Variants in ITGB3BP observed in about 807,000 individuals in gnomAD.
The protein encoded by ITGB3BP is centromere protein R.
In ITGB3BP, 27 loss-of-function variants were observed where a neutral mutation model predicts 29.1. The ratio of observed to expected loss-of-function variants is 0.93; its 90% CI spans 0.68 to 1.28. ITGB3BP has a LOEUF of 1.28. Ranked by LOEUF, ITGB3BP falls within the 50% of genes most tolerant of loss-of-function variation. The pLI, the probability that ITGB3BP is intolerant of heterozygous loss-of-function variation, is 0.00. For missense variants in ITGB3BP, 192 were observed against 200.2 expected (o/e 0.96, Z 0.25); for synonymous variants, 61 against 61.4 (o/e 0.99, Z 0.03).
intron 3 of ITGB3BP, among the ~76,000 whole-genome samples, chr1:63,480,254 GT>G (rs952222648): frequency 1.1e-4 from 17 of 152,204 alleles, no homozygotes; most frequent in Non-Finnish European, 2.5e-4. Flanking sequence ...GGGTTGAAAT[GT>G]AAGTTTGTTT....
At chr1:63,449,118 C>G (rs1009272448) in intron 7 of ITGB3BP, among the ~76,000 whole-genome samples, 1 of 152,126 alleles carries the variant, frequency 6.6e-6, no homozygotes, top group Non-Finnish European at 1.5e-5. Context: ...TGTGTACACG[C>G]TGTAGAAGGA....
chr1:63,485,363 G>A (rs923791976), intron 3 of ITGB3BP, among the ~76,000 whole-genome samples: 7 of 151,692 alleles, frequency 4.6e-5, no homozygotes, highest in Admixed American at 4.6e-4. Context: ...CTAAAACATC[G>A]TAACTCTTAT....
chr1:63,486,165 C>T (rs1645525209), intron 3 of ITGB3BP, among the ~76,000 whole-genome samples: 1 of 151,994 alleles, frequency 6.6e-6, no homozygotes, highest in Non-Finnish European at 1.5e-5. Flanking sequence ...GTGATTTTTA[C>T]AGATCTATTG....
upstream of ITGB3BP, among the ~76,000 whole-genome samples, chr1:63,527,332 C>G (rs746262601): frequency 2.0e-5 from 3 of 152,178 alleles, no homozygotes; most frequent in Non-Finnish European, 4.4e-5. Flanking sequence ...GGAATACTCT[C>G]TTAACGTTGT....
At chr1:63,503,525 A>G (rs1311964088) in intron 2 of ITGB3BP, among the ~76,000 whole-genome samples, 4 of 151,958 alleles carry the variant, frequency 2.6e-5, no homozygotes, top group Non-Finnish European at 1.5e-5. Flanking sequence ...ATTAGATCCC[A>G]TTTGTCAATT....
At chr1:63,498,993 T>C (rs1049392695) in intron 2 of ITGB3BP, among the ~76,000 whole-genome samples, 2 of 151,944 alleles carry the variant, frequency 1.3e-5, no homozygotes, top group South Asian at 2.1e-4. Context: ...CTAGATGAAA[T>C]AGGCAAATTT....
At chr1:63,504,661 CTCT>C (rs1247806744) in intron 2 of ITGB3BP, among the ~76,000 whole-genome samples, 3 of 152,092 alleles carry the variant, frequency 2.0e-5, no homozygotes, top group Non-Finnish European at 4.4e-5. Context: ...TCATAGATAG[CTCT>C]TATTATTTTG....
At chr1:63,494,417 C>T (rs565255871) in intron 2 of ITGB3BP, among the ~76,000 whole-genome samples, 30 of 152,184 alleles carry the variant, frequency 2.0e-4, no homozygotes, top group Non-Finnish European at 3.2e-4. Flanking sequence ...CCACAACCAA[C>T]CCCAACTACC....
chr1:63,454,568 G>A lies in ITGB3BP; in HGVS notation c.334-95C>T. 1 of 587,654 alleles carries A rather than the reference G, an allele frequency of 1.7e-6. No individual in the cohort carries two copies. The highest frequency in any genetic ancestry group is 2.9e-6 in the Non-Finnish European group (1 of 340,178). 36.4% of individuals were successfully genotyped at this position (587,654 alleles called of 1,614,324 possible). On this transcript the variant is annotated intron_variant, in intron 5 of 8. Coordinates refer to ENST00000271002, the MANE Select transcript of ITGB3BP (RefSeq NM_014288.5). This position sits in a 1 kb window ranked among gnomAD's most constrained non-coding sequence, Gnocchi z 4.1. ...ATACAGTATATTGTTTCCTTCATTTGAAAAACTTAAACTTTATGTTAGGAT... is the reference window on the plus strand; with the variant it reads ...ATACAGTATATTGTTTCCTTCATTTAAAAAACTTAAACTTTATGTTAGGAT...
At chr1:63,526,826 G>A (rs9436243), upstream of ITGB3BP, among the ~76,000 whole-genome samples, 140,770 of 152,154 alleles carry the variant, frequency 0.93, 66,094 homozygotes, top group East Asian at 1. Flanking sequence ...GTGCAGTGGC[G>A]CGATCTTGAT....
chr1:63,441,069 T>G lies in ITGB3BP; in HGVS notation c.*36A>C, dbSNP rs1452011388. ...AAATATGATCAGGCAGATGCAGAAG[T>G]TGGTGCTCATGGTGAGTGCATTTCT... On this transcript the variant is annotated 3_prime_UTR_variant, in exon 9 of 9. Coordinates refer to ENST00000271002, the MANE Select transcript of ITGB3BP (RefSeq NM_014288.5). 2.6e-5 allele frequency: 4 copies of G among 152,606 alleles called. No individual in the cohort carries two copies. The highest frequency in any genetic ancestry group is 9.6e-5 in the African/African-American group (4 of 41,462). The allele number at this position is 152,606 out of a possible 1,614,324, so 9.5% of individuals were successfully genotyped here.
intron 1 of ITGB3BP, among the ~76,000 whole-genome samples, chr1:63,515,825 T>TAAAAAAAAAAAAAAAAAAAAAAA (rs76881362): frequency 2.1e-5 from 1 of 48,594 alleles, no homozygotes; most frequent in African/African-American, 8.5e-5. Context: ...GACTCCAACT[T>TAAAAAAAAAAAAAAAAAAAAAAA]AAAAAAAAAA....
At chr1:63,508,299 T>C (rs916460662) in intron 2 of ITGB3BP, among the ~76,000 whole-genome samples, 4 of 152,112 alleles carry the variant, frequency 2.6e-5, no homozygotes, top group African/African-American at 9.7e-5. Context: ...TTTAAATAAT[T>C]AATTTGCTTC....
chr1:63,445,603 CTT>C (rs542847595), intron 8 of ITGB3BP, among the ~76,000 whole-genome samples: 35 of 140,562 alleles, frequency 2.5e-4, no homozygotes, highest in Non-Finnish European at 3.0e-4. Flanking sequence ...GCTAAGAATT[CTT>C]TTTTTTTTTT....
chr1:63,441,537 T>C (rs1261132743), intron 8 of ITGB3BP, among the ~76,000 whole-genome samples: 1 of 152,100 alleles, frequency 6.6e-6, no homozygotes, highest in Non-Finnish European at 1.5e-5. Context: ...TGCCCGGCCT[T>C]ATTTGCTTTT....
rs1291829210 is a variant in ITGB3BP, at chr1:63,440,800, A to C, written c.*305T>G. 1.3e-5 allele frequency: 2 copies of C among 152,668 alleles called. No homozygotes were observed. Among genetic ancestry groups the C allele is most frequent in the African/African-American group, 4.8e-5 (2 of 41,458 alleles). The allele number at this position is 152,668 out of a possible 1,614,324, so 9.5% of individuals were successfully genotyped here. A position where few individuals can be genotyped will look rare whatever the true frequency, so the allele number is the denominator to read the frequency against. ...CTTTTATACATGCTTTATTAAGTCT[A>C]CCCACAAATGCTAAAAGTCCACAGA... On this transcript the variant is annotated 3_prime_UTR_variant, in exon 9 of 9. Transcript: ENST00000271002.
intron 2 of ITGB3BP, among the ~76,000 whole-genome samples, chr1:63,494,275 C>A (rs762692034): frequency 7.9e-5 from 12 of 152,052 alleles, no homozygotes; most frequent in Non-Finnish European, 1.3e-4. Flanking sequence ...CCCACCACCA[C>A]GTCCGGCTAA....
At position 63,441,032 on chromosome 1, in the gene ITGB3BP, C is replaced by A. The variant is rs369454800; in HGVS notation, c.*73G>T. 1 of 152,628 alleles carries A rather than the reference C, an allele frequency of 6.6e-6. No homozygotes were observed. Among genetic ancestry groups the A allele is most frequent in the African/African-American group, 2.4e-5 (1 of 41,450 alleles). The allele number at this position is 152,628 out of a possible 1,614,324, so 9.5% of individuals were successfully genotyped here. A position where few individuals can be genotyped will look rare whatever the true frequency, so the allele number is the denominator to read the frequency against. On this transcript the variant is annotated 3_prime_UTR_variant, in exon 9 of 9. Transcript: ENST00000271002. ...CTGGGCAGATTAATTACAAATATTT[C>A]TCTGTTCCTTTAAATATGATCAGGC...
rs965632667 is a variant in ITGB3BP, at chr1:63,488,106, A to G, written c.184+1977T>C. ...ATAGAACTAAATTTTTCATCCTTTT[A>G]TAACTACAAATGGATTTAAATATAA... On this transcript the variant is annotated intron_variant, in intron 3 of 8. Transcript: ENST00000271002. 5.3e-5 allele frequency among the ~76,000 whole-genome samples: 8 copies of G among 152,114 alleles called. No homozygotes were observed. In the East Asian group the frequency reaches 7.7e-4, roughly 15 times the overall value.
Sources: gnomAD v4.1 joint callset for allele counts (sites outside exome capture counted in the v4.1 genomes callset) on GRCh38, gnomAD v4.1.1 for gene constraint, Gnocchi (gnomAD v3.1) non-coding constraint, MANE v1.5 for transcripts, NCBI Gene and HGNC (gene_info 2026-07-23, HGNC 2026-07-21) for gene names.